ZRANB2: variants seen among roughly 807,000 people sequenced by gnomAD.
The protein encoded by ZRANB2 is zinc finger RANBP2-type containing 2.
In ZRANB2, 19 loss-of-function variants were observed where a neutral mutation model predicts 53.4. The observed-to-expected ratio is 0.36, with a 90% confidence interval of 0.25 to 0.52. The LOEUF is 0.52. ZRANB2 is among the 20% of genes least tolerant of loss of function. The pLI is 0.93. For missense variants in ZRANB2, 309 were observed against 401.1 expected, an observed-to-expected ratio of 0.77 and a Z score of 1.96; for synonymous variants, 145 against 134.8, an observed-to-expected ratio of 1.08 and a Z score of -0.52.
At chr1:71,066,604 C>G (rs575292967) in intron 9 of ZRANB2, 172 bp downstream of exon 9, 1 of 512,526 alleles carries the variant, frequency 2.0e-6, no homozygotes, top group Non-Finnish European at 3.2e-6. Flanking sequence ...TCTAAACAAC[C>G]TGATCAAAGT....
chr1:71,079,458 A>C (rs1661786599), intron 1 of ZRANB2, among the ~76,000 whole-genome samples: 1 of 152,222 alleles, frequency 6.6e-6, no homozygotes, highest in Non-Finnish European at 1.5e-5. Context: ...GGAATGCTTA[A>C]ACTTTAAAAA....
At chr1:71,076,503 A>G (rs2101050606) in intron 4 of ZRANB2, among the ~76,000 whole-genome samples, 1 of 152,368 alleles carries the variant, frequency 6.6e-6, no homozygotes, top group Non-Finnish European at 1.5e-5. Flanking sequence ...TTATATCATT[A>G]CTAATAACAA....
chr1:71,080,899 T>C (rs1487900410), intron 1 of ZRANB2, 41 bp downstream of exon 1: 5 of 1,611,882 alleles, frequency 3.1e-6, no homozygotes, highest in Non-Finnish European at 4.2e-6. Flanking sequence ...AAGCTTCCAC[T>C]AACAAACTCC....
chr1:71,072,006 A>C (rs1661604630), intron 6 of ZRANB2, 115 bp downstream of exon 6: 1 of 1,440,058 alleles, frequency 6.9e-7, no homozygotes, highest in Non-Finnish European at 9.2e-7. Flanking sequence ...CCTTTGTGAG[A>C]ACAAATGAAA....
rs74090247 is a variant in ZRANB2, at chr1:71,066,671, C to T, written c.929+105G>A. 2,838 of 1,206,422 alleles carry T rather than the reference C, an allele frequency of 2.4e-3. 61 individuals carry two copies. In the African/African-American group the frequency reaches 0.04, roughly 17 times the overall value. The allele number at this position is 1,206,422 out of a possible 1,614,324, so 74.7% of individuals were successfully genotyped here. On this transcript the variant is annotated intron_variant, in intron 9 of 9. Transcript: ENST00000370920. ...AGTTCAAAGTTGAAAAGTAGAAAGT[C>T]GGAACACAAGAGATAATAAAAATCT...
chr1:71,076,637 G>T (rs1008493663), intron 4 of ZRANB2, among the ~76,000 whole-genome samples, 158 bp downstream of exon 4: 1 of 152,060 alleles, frequency 6.6e-6, no homozygotes, highest in African/African-American at 2.4e-5. Flanking sequence ...AGATTTGTAT[G>T]TGTGTATGGG....
chr1:71,080,052 T>C (rs951043509), intron 1 of ZRANB2, among the ~76,000 whole-genome samples: 1 of 152,232 alleles, frequency 6.6e-6, no homozygotes, highest in Non-Finnish European at 1.5e-5. Context: ...GAATTTTAAC[T>C]AAACCCAGGT....
intron 1 of ZRANB2, among the ~76,000 whole-genome samples, chr1:71,079,901 G>A (rs1335136518): frequency 6.6e-6 from 1 of 151,610 alleles, no homozygotes; most frequent in African/African-American, 2.4e-5. Context: ...ACTCCTTCAG[G>A]TCATCTTAAT....
At position 71,064,838 on chromosome 1, in the gene ZRANB2, G is replaced by C. The variant is rs776997728; in HGVS notation, c.*236C>G. On this transcript the variant is annotated 3_prime_UTR_variant, in exon 10 of 10. Coordinates refer to ENST00000370920, the MANE Select transcript of ZRANB2 (RefSeq NM_203350.3). ...TGTTATAGCTGAAATGGTTTTAAAT[G>C]AAGCAAATGGTTGTAAATAATGAAT... 10 of 360,020 alleles carry C rather than the reference G, an allele frequency of 2.8e-5. No individual in the cohort carries two copies. Among genetic ancestry groups the C allele is most frequent in the Non-Finnish European group, 4.6e-5 (9 of 197,120 alleles). The allele number at this position is 360,020 out of a possible 1,614,324, so 22.3% of individuals were successfully genotyped here.
rs746110898 is a variant in ZRANB2, at chr1:71,069,268, T to C, written c.770+8A>G. On this transcript the variant is annotated splice_region_variant and intron_variant, in intron 8 of 9. Coordinates refer to ENST00000370920, the MANE Select transcript of ZRANB2 (RefSeq NM_203350.3). ...CTCTGCTTTACAGAGAGATGCTACC[T>C]CATTCACCTTGATTTCGACCCACGA... is the stretch of plus-strand genomic sequence containing the variant. The C allele has an allele frequency of 1.1e-5, 18 of 1,607,146 alleles. No homozygotes were observed. In the Admixed American group the frequency reaches 3.0e-4, roughly 27 times the overall value.
At chr1:71,065,839 TG>T in intron 9 of ZRANB2, 2 of 1,572,700 alleles carry the variant, frequency 1.3e-6, no homozygotes, top group South Asian at 2.3e-5. Context: ...TTTGCAGAAG[TG>T]GTAAGAAAGC....
chr1:71,078,446 A>T lies in ZRANB2; in HGVS notation c.218+11T>A, dbSNP rs1573062386. On this transcript the variant is annotated intron_variant, in intron 3 of 9. Coordinates refer to ENST00000370920, the MANE Select transcript of ZRANB2 (RefSeq NM_203350.3). ...TGGAAGAAAGAGCAGACAATAATTT[A>T]AAAAACATACGTTTTACATTGCCAG... 6.2e-7 allele frequency: 1 copy of T among 1,606,960 alleles called. No individual in the cohort carries two copies. Among genetic ancestry groups the T allele is most frequent in the Non-Finnish European group, 8.5e-7 (1 of 1,174,850 alleles).
chr1:71,079,837 T>C (rs2101053726), intron 1 of ZRANB2, among the ~76,000 whole-genome samples: 1 of 152,328 alleles, frequency 6.6e-6, no homozygotes, highest in Admixed American at 6.5e-5. Flanking sequence ...AGAGCAATAC[T>C]ATCCATAACA....
At chr1:71,080,748 T>A (rs1005481530) in intron 1 of ZRANB2, among the ~76,000 whole-genome samples, 192 bp downstream of exon 1, 1 of 152,142 alleles carries the variant, frequency 6.6e-6, no homozygotes, top group African/African-American at 2.4e-5. Flanking sequence ...AAGACATATC[T>A]AGAACAAAGG....
chr1:71,078,555 A>G lies in ZRANB2; in HGVS notation c.120T>C (p.Thr40=), dbSNP rs991863698. 6.2e-7 allele frequency: 1 copy of G among 1,613,860 alleles called. No individual in the cohort carries two copies. Among genetic ancestry groups the G allele is most frequent in the Non-Finnish European group, 8.5e-7 (1 of 1,179,936 alleles). The change falls in exon 3 of 10, where the codon ACT becomes ACC. Residue 40 remains threonine (T), a synonymous_variant. Coordinates refer to ENST00000370920, the MANE Select transcript of ZRANB2 (RefSeq NM_203350.3). ...CCCCAGCTTTCATCATCTTGGCCTC[A>G]GTTGTTTTCTCTGAAAACAGAAAAA... is the stretch of plus-strand genomic sequence containing the variant. ...SCNRCGREKT[T]EAKMMKAGGT... is the part of the protein sequence containing the mutation.
chr1:71,078,739 A>G, intron 1 of ZRANB2, 31 bp from the exon 2 acceptor site: 1 of 1,584,974 alleles, frequency 6.3e-7, no homozygotes, highest in Non-Finnish European at 8.6e-7. Context: ...ATTTATAAAA[A>G]TTTAAATTTG....
At chr1:71,067,858 T>C (rs1369532129) in intron 8 of ZRANB2, 4 of 304,410 alleles carry the variant, frequency 1.3e-5, no homozygotes, top group African/African-American at 7.1e-5. Context: ...CAATAAAAAA[T>C]AATTTGCTCT....
chr1:71,067,725 A>G, intron 8 of ZRANB2: 1 of 419,782 alleles, frequency 2.4e-6, no homozygotes, highest in Non-Finnish European at 4.7e-6. Context: ...CAATGAAAAA[A>G]TGTTTGGGAA....
chr1:71,071,040 TACCTACCAGGAAAGATAAA>T (rs1440525307), intron 6 of ZRANB2, 44 bp from the exon 7 acceptor site: 1 of 1,463,622 alleles, frequency 6.8e-7, no homozygotes, highest in South Asian at 1.5e-5. Flanking sequence ...ATATTAGTGT[TACCTACCAGGAAAGATAAA>T]ACAGTTAGGT....
Sources: gnomAD v4.1 joint callset for allele counts (sites outside exome capture counted in the v4.1 genomes callset) on GRCh38, gnomAD v4.1.1 for gene constraint, MANE v1.5 for transcripts, NCBI Gene and HGNC (gene_info 2026-07-23, HGNC 2026-07-21) for gene names.